Variants in DLG2 observed in about 807,000 individuals in gnomAD.
The protein encoded by DLG2 is disks large homolog 2.
Under a neutral mutation model 132.5 loss-of-function variants are expected in DLG2, and 45 were observed. That is an observed-to-expected ratio of 0.34 (90% CI 0.27 to 0.44). The LOEUF (loss-of-function observed/expected upper bound fraction) is 0.44, where lower values mean the gene tolerates loss of function less well. Among genes scored for constraint, DLG2 ranks in the 20% least tolerant of loss-of-function variants. DLG2 has a pLI of 1.00. For missense variants in DLG2, 1,045 were observed against 1,196.9 expected (o/e 0.87, Z 1.87); for synonymous variants, 424 against 419.6 (o/e 1.01, Z -0.13).
intron 5 of DLG2, among the ~76,000 whole-genome samples, chr11:85,118,962 T>C (rs2073989535): frequency 6.6e-6 from 1 of 151,744 alleles, no homozygotes; most frequent in African/African-American, 2.4e-5. Context: ...ATAAATACTA[T>C]ATAATTTACA....
chr11:83,826,972 G>C (rs577424343), intron 17 of DLG2, among the ~76,000 whole-genome samples: 12 of 152,196 alleles, frequency 7.9e-5, no homozygotes, highest in African/African-American at 2.7e-4. Flanking sequence ...ATTTCAGAGC[G>C]TGCTTGTTTC....
intron 3 of DLG2, among the ~76,000 whole-genome samples, chr11:85,386,588 A>G (rs2086347035): frequency 6.6e-6 from 1 of 152,174 alleles, no homozygotes; most frequent in Admixed American, 6.5e-5. Context: ...TGACAAATAG[A>G]TTTTTATATG....
rs546222551 is a variant in DLG2, at chr11:83,733,699, T to C, written c.1825+52991A>G. On this transcript the variant is annotated intron_variant, in intron 18 of 27. Transcript: ENST00000376104. The stretch of plus-strand genomic sequence containing the variant: ...AGCCCAGGCTAACTATGCCCAGTTC[T>C]AGCAATCAACTTCAAATCCCTTCAT... Among the ~76,000 whole-genome samples the C allele has an allele frequency of 1.3e-5, 2 of 152,350 alleles. 1 individual carries two copies. Among genetic ancestry groups the C allele is most frequent in the South Asian group, 4.1e-4 (2 of 4,826 alleles).
intron 7 of DLG2, among the ~76,000 whole-genome samples, chr11:84,366,096 C>A (rs1011456341): frequency 1.2e-4 from 19 of 152,106 alleles, no homozygotes; most frequent in Non-Finnish European, 2.8e-4. Context: ...GGAAGCCCAT[C>A]AGACTAACAG....
At chr11:84,075,468 G>A (rs1390415583) in intron 10 of DLG2, among the ~76,000 whole-genome samples, 4 of 152,156 alleles carry the variant, frequency 2.6e-5, no homozygotes, top group African/African-American at 9.7e-5. Flanking sequence ...ATGAGTGAAT[G>A]AATAATAGTT....
chr11:85,177,263 T>TTA (rs748552882), intron 4 of DLG2, among the ~76,000 whole-genome samples: 27,978 of 136,838 alleles, frequency 0.2, 2,979 homozygotes, highest in South Asian at 0.31. Flanking sequence ...GTATATGTAT[T>TTA]TATATATATA....
chr11:84,159,160 G>A (rs888880586), intron 9 of DLG2, among the ~76,000 whole-genome samples: 1 of 152,108 alleles, frequency 6.6e-6, no homozygotes, highest in Non-Finnish European at 1.5e-5. Context: ...ACCACTCCCT[G>A]AGTATACACT....
intron 14 of DLG2, among the ~76,000 whole-genome samples, chr11:83,960,346 C>T (rs967831975): frequency 9.2e-5 from 14 of 152,024 alleles, no homozygotes; most frequent in African/African-American, 3.4e-4. Context: ...AGAGAACTGA[C>T]CCTACTTTTG....
intron 16 of DLG2, among the ~76,000 whole-genome samples, chr11:83,868,196 G>A (rs2062763019): frequency 2.0e-5 from 3 of 152,106 alleles, no homozygotes; most frequent in South Asian, 4.1e-4. Context: ...ATGGAAGGAA[G>A]GCCTGCAAAC....
chr11:84,017,972 C>T (rs1309546517), intron 11 of DLG2, among the ~76,000 whole-genome samples: 1 of 151,852 alleles, frequency 6.6e-6, no homozygotes, highest in African/African-American at 2.4e-5. Context: ...TCTCTTACTG[C>T]TTTTATTTTA....
chr11:84,744,082 A>G (rs1790698538), intron 6 of DLG2, among the ~76,000 whole-genome samples: 1 of 152,168 alleles, frequency 6.6e-6, no homozygotes, highest in Non-Finnish European at 1.5e-5. Context: ...TGAAGAAACT[A>G]CAGGTTGGTT....
chr11:84,008,322 T>C (rs2094686098), intron 11 of DLG2, among the ~76,000 whole-genome samples: 1 of 151,960 alleles, frequency 6.6e-6, no homozygotes, highest in South Asian at 2.1e-4. Context: ...ATCAGTTTCA[T>C]ATGGACATAA....
At chr11:83,686,601 A>C (rs1345389243) in intron 18 of DLG2, among the ~76,000 whole-genome samples, 1 of 152,180 alleles carries the variant, frequency 6.6e-6, no homozygotes, top group East Asian at 1.9e-4. Flanking sequence ...TGTATTTATT[A>C]AATGAATGTA....
intron 6 of DLG2, among the ~76,000 whole-genome samples, chr11:85,059,354 A>T (rs1348055696): frequency 6.6e-6 from 1 of 151,556 alleles, no homozygotes; most frequent in East Asian, 1.9e-4. Flanking sequence ...AAACTCTATA[A>T]AATTTTCTAC....
chr11:84,390,816 G>A (rs1316353235), intron 7 of DLG2, among the ~76,000 whole-genome samples: 5 of 152,102 alleles, frequency 3.3e-5, no homozygotes, highest in Admixed American at 6.6e-5. Context: ...AAATCTCAGC[G>A]GCTTACCATG....
At chr11:83,852,238 G>A (rs1442756423) in intron 16 of DLG2, among the ~76,000 whole-genome samples, 1 of 152,186 alleles carries the variant, frequency 6.6e-6, no homozygotes, top group Non-Finnish European at 1.5e-5. Flanking sequence ...TAGGGGCTAC[G>A]TGAGCCAATG....
chr11:85,361,454 T>A (rs2084150085), intron 3 of DLG2, among the ~76,000 whole-genome samples: 1 of 152,132 alleles, frequency 6.6e-6, no homozygotes, highest in Admixed American at 6.5e-5. Context: ...TTTTCAACCC[T>A]CACCCCCTCC....
At chr11:83,790,115 G>A in intron 17 of DLG2, 2 of 930,896 alleles carry the variant, frequency 2.1e-6, no homozygotes, top group Non-Finnish European at 3.3e-6. Context: ...CACTGGCTTG[G>A]CCAGTCTGAC....
intron 5 of DLG2, among the ~76,000 whole-genome samples, chr11:85,146,206 CTG>C (rs1250499460): frequency 6.7e-6 from 1 of 149,490 alleles, no homozygotes; most frequent in Non-Finnish European, 1.5e-5. Context: ...AAACAGAAGT[CTG>C]TCTGTATGTC....
Sources: gnomAD v4.1 joint callset for allele counts (sites outside exome capture counted in the v4.1 genomes callset) on GRCh38, gnomAD v4.1.1 for gene constraint, MANE v1.5 for transcripts, NCBI Gene and HGNC (gene_info 2026-07-23, HGNC 2026-07-21) for gene names.